LARGE2: variants seen among roughly 807,000 people sequenced by gnomAD.
LARGE2 encodes LARGE xylosyl- and glucuronyltransferase 2, also known as xylosyl- and glucuronyltransferase LARGE2.
In LARGE2, 63 loss-of-function variants were observed where a neutral mutation model predicts 75.3. That is an observed-to-expected ratio of 0.84 (90% CI 0.68 to 1.03). LARGE2 has a LOEUF of 1.03. Among genes scored for constraint, LARGE2 ranks in the 50% least tolerant of loss-of-function variants. The pLI, the probability that LARGE2 is intolerant of heterozygous loss-of-function variation, is 0.00. For synonymous variants in LARGE2, 428 were observed against 420.1 expected, an observed-to-expected ratio of 1.02 and a Z score of -0.23; for missense variants, 925 against 980.6, an observed-to-expected ratio of 0.94 and a Z score of 0.76.
intron 10 of LARGE2, 148 bp from the exon 11 acceptor site, chr11:45,927,167 C>A: frequency 2.2e-6 from 2 of 920,814 alleles, no homozygotes; most frequent in Non-Finnish European, 3.2e-6. Flanking sequence ...TGTGAAGATT[C>A]AATCAGACTG....
rs1313649775 is a variant in LARGE2, at chr11:45,928,817, A to C, written c.2138A>C (p.Gln713Pro). The C allele has an allele frequency of 1.9e-6, 3 of 1,613,364 alleles. No individual in the cohort carries two copies. The highest frequency in any genetic ancestry group is 2.5e-6 in the Non-Finnish European group (3 of 1,179,934). ...AAALKYLPALQQPQSPARG is the reference protein window; with the variant it reads ...AAALKYLPALPQPQSPARG ...GCCCTCAAATACCTCCCAGCCCTGCAGCAGCCCCAGAGCCCTGCCCGAGGC... is the reference window on the plus strand; with the variant it reads ...GCCCTCAAATACCTCCCAGCCCTGCCGCAGCCCCAGAGCCCTGCCCGAGGC... Residue 713 changes from glutamine to proline, a missense_variant, in exon 14 of 14, where the codon CAG becomes CCG. Physicochemically the swap from Gln to Pro is moderately conservative, Grantham distance 76 (BLOSUM62 -1). This residue lies in a region of LARGE2 where 469 missense variants were observed against 503.8 expected (regional missense o/e 0.93). Transcript: ENST00000401752.
In LARGE2 at chr11:45,928,233, C is replaced by T. The variant is rs898184319; in HGVS notation, c.1811C>T (p.Ala604Val). The T allele has an allele frequency of 3.7e-6, 6 of 1,613,854 alleles. No homozygotes were observed. In the Admixed American group the frequency reaches 1.0e-4, roughly 27 times the overall value. ...ACAGACTATGCCCGCTGGCGGGAGG[C>T]TCAGGCCCCGTACCGTGTGCAATGG... Reference protein sequence around the residue: ...APTDYARWREAQAPYRVQWAA... With the variant: ...APTDYARWREVQAPYRVQWAA... The change falls in exon 13 of 14, where the codon GCT becomes GTT. Residue 604 changes from alanine to valine, a missense_variant. Transcript: ENST00000401752.
At chr11:45,924,426 C>T in intron 4 of LARGE2, 80 bp from the exon 5 acceptor site, 1 of 1,571,222 alleles carries the variant, frequency 6.4e-7, no homozygotes, top group Non-Finnish European at 8.6e-7. Context: ...ACCCCCTCTC[C>T]TCTGTGTCAC....
chr11:45,922,235 G>T (rs1386305232), upstream of LARGE2, among the ~76,000 whole-genome samples: 1 of 152,162 alleles, frequency 6.6e-6, no homozygotes, highest in African/African-American at 2.4e-5. Flanking sequence ...GGTGTCGGCC[G>T]GCTCCGCCCC....
rs1327130340 is a variant in LARGE2, at chr11:45,926,500, TC to T, written c.1069del (p.Arg357AlafsTer5). On this transcript the variant is annotated frameshift_variant, in exon 9 of 14. Coordinates refer to ENST00000401752, the MANE Select transcript of LARGE2 (RefSeq NM_001300721.2). LOFTEE classifies it high-confidence loss of function. The stretch of plus-strand genomic sequence containing the variant: ...GTGAAGAACAAGCATGTGGAATTCT[TC>T]CGCAATTTCTACCTGACCTTCCTGG... ...LRVKNKHVEF[F>X]RNFYLTFLEY... The T allele has an allele frequency of 1.2e-6, 2 of 1,614,014 alleles. No individual in the cohort carries two copies. The highest frequency in any genetic ancestry group is 1.3e-5 in the African/African-American group (1 of 74,932).
intron 3 of LARGE2, 84 bp downstream of exon 3, chr11:45,923,639 TTCC>T: frequency 4.1e-6 from 5 of 1,207,408 alleles, no homozygotes; most frequent in Non-Finnish European, 6.1e-6. Context: ...GAGCTTCAGC[TTCC>T]TCATCTGTGA....
chr11:45,928,183 C>T lies in LARGE2; in HGVS notation c.1761C>T (p.His587=), dbSNP rs192814693. The change falls in exon 13 of 14, where the codon CAC becomes CAT. Residue 587 remains histidine, a synonymous_variant. Coordinates refer to ENST00000401752, the MANE Select transcript of LARGE2 (RefSeq NM_001300721.2). ...ACCCGACCCTGCTGCACAGGTACCA[C>T]GAGTGGCCCCGAGGCCACGCACCCA... ...DAGTLYTFRY[H]EWPRGHAPTD... The T allele has an allele frequency of 3.2e-5, 52 of 1,613,568 alleles. No homozygotes were observed. The highest frequency in any genetic ancestry group is 6.7e-5 in the East Asian group (3 of 44,884).
intron 13 of LARGE2, 106 bp downstream of exon 13, chr11:45,928,478 A>G: frequency 6.5e-7 from 1 of 1,531,362 alleles, no homozygotes; most frequent in Admixed American, 1.9e-5. Flanking sequence ...ACACTGTTAG[A>G]AATGTCCCCC....
intron 5 of LARGE2, 24 bp from the exon 6 acceptor site, chr11:45,924,761 C>G: frequency 1.3e-6 from 2 of 1,511,588 alleles, no homozygotes; most frequent in Non-Finnish European, 8.9e-7. Context: ...CTTCAGACAG[C>G]TCCCTTATGC....
At chr11:45,928,530 A>T in intron 13 of LARGE2, 100 bp from the exon 14 acceptor site, 1 of 1,541,824 alleles carries the variant, frequency 6.5e-7, no homozygotes, top group Non-Finnish European at 8.7e-7. Context: ...CCCTTGCTTT[A>T]GCTCTCAGGG....
chr11:45,926,824 C>T lies in LARGE2; in HGVS notation c.1278C>T (p.Pro426=), dbSNP rs2087173900. The change falls in exon 10 of 14, where the codon CCC becomes CCT. Residue 426 remains proline (P), a synonymous_variant. Coordinates refer to ENST00000401752, the MANE Select transcript of LARGE2 (RefSeq NM_001300721.2). The part of the protein sequence containing the change: ...HVTFLPHEPP[P]PRPHDVTLVA... Reference sequence around the variant, plus strand: ...CTTTCCTGCCCCATGAACCGCCACCCCCCCGGCCTCACGATGTCACCCTTG... The same window carrying T: ...CTTTCCTGCCCCATGAACCGCCACCTCCCCGGCCTCACGATGTCACCCTTG... 1 of 1,613,368 alleles carries T rather than the reference C, an allele frequency of 6.2e-7. No individual in the cohort carries two copies. The highest frequency in any genetic ancestry group is 1.1e-5 in the South Asian group (1 of 91,064).
chr11:45,923,277 A>G (rs1303821282), intron 2 of LARGE2, 110 bp downstream of exon 2: 16 of 1,257,222 alleles, frequency 1.3e-5, no homozygotes, highest in Non-Finnish European at 1.6e-5. Context: ...AGCACTGGCC[A>G]GCCGGCTGGG....
intron 6 of LARGE2, among the ~76,000 whole-genome samples, chr11:45,925,828 C>G (rs1418816878): frequency 6.6e-6 from 1 of 151,938 alleles, no homozygotes; most frequent in African/African-American, 2.4e-5. Context: ...TGCCACTGCA[C>G]CACTCCAGCC....
chr11:45,922,767 C>T (rs2086965862), intron 1 of LARGE2, 39 bp downstream of exon 1: 4 of 860,582 alleles, frequency 4.6e-6, no homozygotes, highest in East Asian at 7.0e-5. Flanking sequence ...ACAACCCGGC[C>T]GTCGGGCCCC....
In LARGE2 at chr11:45,924,511, G is replaced by C. The variant is rs746840891; in HGVS notation, c.498G>C (p.Gln166His). The change falls in exon 5 of 14, where the codon CAG becomes CAC. Residue 166 changes from glutamine (Q) to histidine (H), a missense_variant. Gln to His is a conservative substitution (Grantham distance 24). Transcript: ENST00000401752. ...SFYHADQLKP[Q>H]VSWIPNKHYS... ...CCTGCCTTTCCCCCACACAGCCCCA[G>C]GTCTCCTGGATCCCCAACAAGCACT... The C allele has an allele frequency of 1.9e-6, 3 of 1,612,026 alleles. No individual in the cohort carries two copies. Among genetic ancestry groups the C allele is most frequent in the Non-Finnish European group, 1.7e-6 (2 of 1,179,246 alleles).
At chr11:45,927,057 A>G (rs2087185746) in intron 10 of LARGE2, among the ~76,000 whole-genome samples, 186 bp downstream of exon 10, 1 of 152,196 alleles carries the variant, frequency 6.6e-6, no homozygotes, top group African/African-American at 2.4e-5. Flanking sequence ...AGATGCCCGG[A>G]GCTGCCCCTC....
chr11:45,927,454 T>C lies in LARGE2; in HGVS notation c.1465T>C (p.Tyr489His), dbSNP rs756450469. The change falls in exon 11 of 14, where the codon TAC becomes CAC. Residue 489 changes from tyrosine (Y) to histidine (H), a missense_variant. By Grantham distance (83) the Tyr-to-His change is moderately conservative. Transcript: ENST00000401752. The part of the protein sequence containing the change: ...PVLAARQDVA[Y>H]HVVYREGPLY... ...GCTTGCTGCCCGGCAGGACGTGGCC[T>C]ACCATGTGGTGTACCGTGAGGGGCC... The C allele has an allele frequency of 6.2e-7, 1 of 1,614,222 alleles. No homozygotes were observed. The highest frequency in any genetic ancestry group is 1.3e-5 in the African/African-American group (1 of 75,072).
intron 11 of LARGE2, 45 bp from the exon 12 acceptor site, chr11:45,927,875 T>A: frequency 6.2e-7 from 1 of 1,610,090 alleles, no homozygotes; most frequent in Non-Finnish European, 8.5e-7. Flanking sequence ...GGCCCAGTCC[T>A]AGATGCCCCG....
upstream of LARGE2, among the ~76,000 whole-genome samples, chr11:45,922,506 G>A (rs867762301): frequency 3.3e-5 from 5 of 152,120 alleles, no homozygotes; most frequent in African/African-American, 1.2e-4. Flanking sequence ...CAGCCCAGAA[G>A]GGGGCTTCGG....
Sources: allele counts gnomAD v4.1 joint callset (sites outside exome capture counted in the v4.1 genomes callset), GRCh38; gene constraint gnomAD v4.1.1; regional missense constraint gnomAD v4.1.1; transcripts MANE v1.5; gene names NCBI Gene and HGNC (gene_info 2026-07-23, HGNC 2026-07-21).